Variants in PDXDC1 observed in about 807,000 individuals in gnomAD.
PDXDC1 encodes the protein pyridoxal dependent decarboxylase domain containing 1.
Under a neutral mutation model 100.1 loss-of-function variants are expected in PDXDC1, and 42 were observed. The ratio of observed to expected loss-of-function variants is 0.42; its 90% CI spans 0.33 to 0.54. The LOEUF is 0.54. Among genes scored for constraint, PDXDC1 ranks in the 20% least tolerant of loss-of-function variants. PDXDC1 has a pLI of 0.10. For synonymous variants in PDXDC1, 260 were observed against 371.7 expected (o/e 0.70, Z 3.46); for missense variants, 636 against 979.2 (o/e 0.65, Z 4.68).
intron 16 of PDXDC1, chr16:15,084,694 T>C (rs1402116270): frequency 6.2e-7 from 1 of 1,612,936 alleles, no homozygotes; most frequent in Non-Finnish European, 8.5e-7. Flanking sequence ...GTGTCAAAAT[T>C]TGCAGGAAGA....
the PDXDC1 span, among the ~76,000 whole-genome samples, chr16:15,149,135 G>A: frequency 6.6e-6 from 1 of 152,138 alleles, no homozygotes; most frequent in African/African-American, 2.4e-5. Flanking sequence ...GCCTCTCCTA[G>A]GCTCTCCTGA....
At position 15,036,365 on chromosome 16, in the gene PDXDC1, T is replaced by A; in HGVS notation, c.*90T>A. ...ATGTGAACTGTGCCACATACTAATA[T>A]AAATTACTGTTGTTTGTGCTTCACT... On this transcript the variant is annotated 3_prime_UTR_variant, in exon 23 of 23. Transcript: ENST00000396410. The A allele has an allele frequency of 8.1e-7, 1 of 1,232,214 alleles. No individual in the cohort carries two copies. Among genetic ancestry groups the A allele is most frequent in the Non-Finnish European group, 1.1e-6 (1 of 873,410 alleles). The allele number at this position is 1,232,214 out of a possible 1,614,324, so 76.3% of individuals were successfully genotyped here. A position where few individuals can be genotyped will look rare whatever the true frequency, so the allele number is the denominator to read the frequency against.
At chr16:14,986,340 G>A (rs912122224) in intron 1 of PDXDC1, among the ~76,000 whole-genome samples, 2 of 152,270 alleles carry the variant, frequency 1.3e-5, no homozygotes, top group South Asian at 4.1e-4. Flanking sequence ...GTGATGGCGG[G>A]CACCTGGAAT....
At chr16:15,086,333 A>C (rs779476164) in intron 16 of PDXDC1, 10 of 1,612,342 alleles carry the variant, frequency 6.2e-6, no homozygotes, top group African/African-American at 5.3e-5. Context: ...TCTGAATTAC[A>C]TACTTTACAG....
intron 16 of PDXDC1, chr16:15,132,950 C>G: frequency 1.3e-6 from 2 of 1,573,894 alleles, no homozygotes; most frequent in Non-Finnish European, 8.6e-7. Flanking sequence ...CCCACGACTC[C>G]CGGGGTGCAG....
chr16:15,135,467 C>A lies in PDXDC1; in HGVS notation c.1400-3412C>A. The A allele has an allele frequency of 9.9e-6, 12 of 1,212,944 alleles. 1 individual carries two copies. Among genetic ancestry groups the A allele is most frequent in the South Asian group, 7.6e-5 (6 of 78,672 alleles). The allele number at this position is 1,212,944 out of a possible 1,614,324, so 75.1% of individuals were successfully genotyped here. ...AACAAGGGGCGACGTGGCCCGAGAA[C>A]CCCATCCAGTTTTAAAGCAGAGCCC... On this transcript the variant is annotated intron_variant, in intron 16 of 16. Transcript: ENST00000535621.
chr16:15,077,638 G>C (rs568466755), intron 16 of PDXDC1, among the ~76,000 whole-genome samples: 1 of 152,260 alleles, frequency 6.6e-6, no homozygotes, highest in African/African-American at 2.4e-5. Context: ...TCAGGAGATT[G>C]AGACCATCCT....
At chr16:15,074,857 T>C (rs1386354174) in intron 16 of PDXDC1, 1 of 1,606,990 alleles carries the variant, frequency 6.2e-7, no homozygotes, top group Non-Finnish European at 8.5e-7. Flanking sequence ...TTCTTCATCT[T>C]CATCCTTTGA....
At chr16:15,005,294 G>A (rs1423061998) in intron 5 of PDXDC1, among the ~76,000 whole-genome samples, 1 of 141,544 alleles carries the variant, frequency 7.1e-6, no homozygotes, top group Non-Finnish European at 1.5e-5. Context: ...GACAGAGTGA[G>A]ACTCTGTCTC....
In PDXDC1 at chr16:15,001,818, C is replaced by A. The variant is rs9921162; in HGVS notation, c.204C>A (p.Leu68=). 264,074 of 1,472,010 alleles carry A rather than the reference C, an allele frequency of 0.18. 18,454 individuals carry two copies. The highest frequency in any genetic ancestry group is 0.5 in the East Asian group (21,445 of 43,318). The allele number at this position is 1,472,010 out of a possible 1,614,324, so 91.2% of individuals were successfully genotyped here. A position where few individuals can be genotyped will look rare whatever the true frequency, so the allele number is the denominator to read the frequency against. ...MVSILQLVQN[L]MHGDEDEEPQ... ...GCATCCTCCAGTTAGTTCAGAATCT[C>A]ATGCATGGAGATGAAGATGAGGAGC... Residue 68 remains leucine (L), a synonymous_variant, in exon 4 of 23, where the codon CTC becomes CTA. Coordinates refer to ENST00000396410, the MANE Select transcript of PDXDC1 (RefSeq NM_015027.4).
At chr16:15,095,914 G>C (rs2046341348) in intron 16 of PDXDC1, among the ~76,000 whole-genome samples, 1 of 148,888 alleles carries the variant, frequency 6.7e-6, no homozygotes. Flanking sequence ...CTCTCTCCAG[G>C]AGTTCAAGAC....
At chr16:15,025,031 G>T (rs1423409876) in intron 13 of PDXDC1, among the ~76,000 whole-genome samples, 1 of 152,302 alleles carries the variant, frequency 6.6e-6, no homozygotes, top group East Asian at 1.9e-4. Context: ...TCAGCTTACA[G>T]TCCTCTTTCT....
At chr16:15,077,446 A>C (rs2045509456) in intron 16 of PDXDC1, among the ~76,000 whole-genome samples, 1 of 151,808 alleles carries the variant, frequency 6.6e-6, no homozygotes, top group Non-Finnish European at 1.5e-5. Context: ...CCACTTTTAC[A>C]TCTTCCTCAT....
At chr16:15,020,703 G>A (rs537271042) in intron 12 of PDXDC1, among the ~76,000 whole-genome samples, 1 of 152,336 alleles carries the variant, frequency 6.6e-6, no homozygotes, top group East Asian at 1.9e-4. Context: ...AGAAAAATAG[G>A]CCGGGCGTGG....
At chr16:15,125,870 A>T in intron 16 of PDXDC1, 1 of 796,422 alleles carries the variant, frequency 1.3e-6, no homozygotes, top group Non-Finnish European at 2.2e-6. Flanking sequence ...CTGGATGAGA[A>T]GCCACCTCCT....
At chr16:15,139,645 G>T (rs889012966), downstream of PDXDC1, among the ~76,000 whole-genome samples, 1 of 151,718 alleles carries the variant, frequency 6.6e-6, no homozygotes, top group African/African-American at 2.4e-5. Flanking sequence ...GCCAGGCATG[G>T]TGGTGTGGAG....
At chr16:15,053,462 A>T (rs2044372622) in intron 16 of PDXDC1, among the ~76,000 whole-genome samples, 1 of 147,476 alleles carries the variant, frequency 6.8e-6, no homozygotes, top group Non-Finnish European at 1.5e-5. Flanking sequence ...AACAACATAT[A>T]GTAAGCTATC....
At chr16:15,063,315 T>A in intron 16 of PDXDC1, 2 of 1,514,258 alleles carry the variant, frequency 1.3e-6, no homozygotes, top group Non-Finnish European at 1.8e-6. Context: ...CAAAGTCAAG[T>A]TAAATACTTC....
rs35440863 is a variant in PDXDC1, at chr16:15,049,434, A to AT, written c.1399+19390dup. Among the ~76,000 whole-genome samples the AT allele has an allele frequency of 9.8e-3, 1,436 of 146,308 alleles. 24 individuals carry two copies. Among genetic ancestry groups the AT allele is most frequent in the African/African-American group, 0.025 (999 of 39,712 alleles). On this transcript the variant is annotated intron_variant, in intron 16 of 16. Coordinates refer to the PDXDC1 transcript ENST00000535621. Reference sequence around the variant, plus strand: ...ATCCCTGTGTTATTTCTTTTATCTTATTTTTTTTTTTTGAGACAGAGTCTC... The same window carrying AT: ...ATCCCTGTGTTATTTCTTTTATCTTATTTTTTTTTTTTTGAGACAGAGTCTC...
Sources: allele counts gnomAD v4.1 joint callset (sites outside exome capture counted in the v4.1 genomes callset), GRCh38; gene constraint gnomAD v4.1.1; transcripts MANE v1.5; gene names NCBI Gene and HGNC (gene_info 2026-07-23, HGNC 2026-07-21).